IPO5: variants seen among roughly 807,000 people sequenced by gnomAD.
The protein encoded by IPO5 is importin 5.
IPO5 carries 18 observed loss-of-function variants against 143.3 expected under a neutral mutation model. The observed-to-expected ratio is 0.13, with a 90% CI of 0.09 to 0.19. The LOEUF (loss-of-function observed/expected upper bound fraction) is 0.19, where lower values mean the gene tolerates loss of function less well. Ranked by LOEUF, IPO5 falls within the 10% of genes least tolerant of loss-of-function variation. IPO5 has a pLI of 1.00. For missense variants in IPO5, 1,013 were observed against 1,336.9 expected (o/e 0.76, Z 3.78); for synonymous variants, 477 against 465.7 (o/e 1.02, Z -0.31).
At chr13:98,005,365 T>TTTA (rs1889143910) in intron 16 of IPO5, among the ~76,000 whole-genome samples, 7 of 142,084 alleles carry the variant, frequency 4.9e-5, no homozygotes, top group Non-Finnish European at 1.1e-4. Flanking sequence ...CCTGGCTAAT[T>TTTA]TTTATTTATT....
chr13:97,953,988 G>A, intron 1 of IPO5, 131 bp from the exon 2 acceptor site: 1 of 447,332 alleles, frequency 2.2e-6, no homozygotes, highest in South Asian at 1.6e-5. Flanking sequence ...CCTTACGTGA[G>A]CTGGGGACTA....
In IPO5 at chr13:98,018,558, C is replaced by T; in HGVS notation, c.2690C>T (p.Pro897Leu). ...IFDDVIEHCS[P>L]ASFKYAEYFL... is the part of the protein sequence containing the mutation. ...GATGATGTCATAGAACACTGTAGTCCAGCCTCATTTAAATACGCAGAATAT... is the reference window on the plus strand; with the variant it reads ...GATGATGTCATAGAACACTGTAGTCTAGCCTCATTTAAATACGCAGAATAT... The change falls in exon 26 of 29, where the codon CCA becomes CTA. Residue 897 changes from proline to leucine, a missense_variant. This residue lies in a region of IPO5 where 685 missense variants were observed against 994.9 expected (regional missense o/e 0.69). Transcript: ENST00000651721. The T allele has an allele frequency of 1.9e-6, 3 of 1,613,984 alleles. No homozygotes were observed. The highest frequency in any genetic ancestry group is 2.5e-6 in the Non-Finnish European group (3 of 1,179,928).
intron 16 of IPO5, among the ~76,000 whole-genome samples, chr13:98,005,085 CAG>C (rs1277043836): frequency 6.6e-6 from 1 of 151,618 alleles, no homozygotes; most frequent in Non-Finnish European, 1.5e-5. Context: ...TGAGTGGAGA[CAG>C]GGTTTCACCA....
chr13:97,993,830 T>A (rs1195689559), intron 11 of IPO5, among the ~76,000 whole-genome samples: 1 of 152,208 alleles, frequency 6.6e-6, no homozygotes, highest in African/African-American at 2.4e-5. Context: ...ATTTAGAGGG[T>A]AAATACGTCA....
At chr13:98,016,409 C>T (rs1890124819) in intron 24 of IPO5, among the ~76,000 whole-genome samples, 1 of 151,010 alleles carries the variant, frequency 6.6e-6, no homozygotes, top group South Asian at 2.1e-4. Flanking sequence ...ATAGTGAAAA[C>T]ACCTTTGTTT....
At position 98,003,647 on chromosome 13, in the gene IPO5, C is replaced by T. The variant is rs1228766097; in HGVS notation, c.1497+610C>T. On this transcript the variant is annotated intron_variant, in intron 16 of 28. Transcript: ENST00000651721. ...GGTGGATCACCTGAGGTCAGGAGTT[C>T]GAGACCAGCCTGGCCAACATGGTGA... 1.1e-4 allele frequency among the ~76,000 whole-genome samples: 17 copies of T among 151,996 alleles called. No homozygotes were observed. In the East Asian group the frequency reaches 3.1e-3, roughly 28 times the overall value.
intron 2 of IPO5, among the ~76,000 whole-genome samples, chr13:97,967,476 C>G (rs1176411744): frequency 2.0e-5 from 3 of 151,326 alleles, no homozygotes; most frequent in African/African-American, 7.3e-5. Context: ...TTAGTTTGCC[C>G]TTCTTTCTTT....
intron 2 of IPO5, among the ~76,000 whole-genome samples, chr13:97,964,446 T>TC (rs1953643076): frequency 7.3e-6 from 1 of 137,286 alleles, no homozygotes; most frequent in African/African-American, 2.9e-5. Context: ...TTTCTTTCTT[T>TC]TTTTTTTTTT....
chr13:98,003,847 CAA>C (rs954208235), intron 16 of IPO5, among the ~76,000 whole-genome samples: 3 of 138,938 alleles, frequency 2.2e-5, no homozygotes, highest in Non-Finnish European at 4.7e-5. Flanking sequence ...AATTCTGTTT[CAA>C]AAAAAAAAAG....
At chr13:97,993,290 G>A in intron 11 of IPO5, 65 bp downstream of exon 11, 2 of 1,364,454 alleles carry the variant, frequency 1.5e-6, no homozygotes, top group East Asian at 2.3e-5. Flanking sequence ...AATTTGCTGA[G>A]GGTTGTGTGA....
chr13:98,011,317 G>A (rs1889694255), intron 20 of IPO5, among the ~76,000 whole-genome samples: 1 of 152,080 alleles, frequency 6.6e-6, no homozygotes, highest in Admixed American at 6.6e-5. Context: ...TTGAAACAGA[G>A]TCTTACTCTG....
In IPO5 at chr13:98,015,523, T is replaced by C. The variant is rs199847921; in HGVS notation, c.2326-7T>C. On this transcript the variant is annotated splice_polypyrimidine_tract_variant and splice_region_variant and intron_variant, in intron 22 of 28. Transcript: ENST00000651721. Reference sequence around the variant, plus strand: ...TATGGATTGCTTTCTTTCCTCAACCTCATTAGTGCATTGAAGTAATGGGAG... The same window carrying C: ...TATGGATTGCTTTCTTTCCTCAACCCCATTAGTGCATTGAAGTAATGGGAG... The C allele has an allele frequency of 1.1e-4, 171 of 1,534,502 alleles. No individual in the cohort carries two copies. Among genetic ancestry groups the C allele is most frequent in the Middle Eastern group, 5.4e-4 (3 of 5,568 alleles).
At chr13:97,994,944 G>A (rs1888119801) in intron 11 of IPO5, among the ~76,000 whole-genome samples, 1 of 152,034 alleles carries the variant, frequency 6.6e-6, no homozygotes, top group Non-Finnish European at 1.5e-5. Context: ...TGGGCGACAT[G>A]ACGAAACCCT....
chr13:98,002,567 T>G lies in IPO5; in HGVS notation c.1209T>G (p.Phe403Leu). 1 of 1,614,068 alleles carries G rather than the reference T, an allele frequency of 6.2e-7. No individual in the cohort carries two copies. Among genetic ancestry groups the G allele is most frequent in the Non-Finnish European group, 8.5e-7 (1 of 1,179,930 alleles). The stretch of plus-strand genomic sequence containing the variant: ...GAATTCTAAATGAGATCGTAAATTT[T>G]GTTTTACTTTTTCTCCAGGATCCTG... ...MEGILNEIVN[F>L]VLLFLQDPHP... is the part of the protein sequence containing the mutation. Residue 403 changes from phenylalanine (F) to leucine (L), a missense_variant, in exon 14 of 29, where the codon TTT (phenylalanine) becomes TTG (leucine). Coordinates refer to ENST00000651721, the MANE Select transcript of IPO5 (RefSeq NM_002271.6).
intron 2 of IPO5, among the ~76,000 whole-genome samples, chr13:97,958,601 T>C (rs1054997750): frequency 2.0e-5 from 3 of 151,974 alleles, no homozygotes; most frequent in Non-Finnish European, 4.4e-5. Context: ...AACTGTATGA[T>C]TTAGGCCTCA....
At position 98,000,784 on chromosome 13, in the gene IPO5, G is replaced by A. The variant is rs191851967; in HGVS notation, c.1108+139G>A. 260 of 611,280 alleles carry A rather than the reference G, an allele frequency of 4.3e-4. 1 individual carries two copies. In the East Asian group the frequency reaches 7.0e-3, roughly 16 times the overall value. The allele number at this position is 611,280 out of a possible 1,614,324, so 37.9% of individuals were successfully genotyped here. On this transcript the variant is annotated intron_variant, in intron 13 of 28. Coordinates refer to ENST00000651721, the MANE Select transcript of IPO5 (RefSeq NM_002271.6). ...TTTAACCCAATTCATTTATTTTACCGATAAAATTGTCAATCCCAAAGAAAA... is the reference window on the plus strand; with the variant it reads ...TTTAACCCAATTCATTTATTTTACCAATAAAATTGTCAATCCCAAAGAAAA...
At chr13:98,002,319 C>A in intron 13 of IPO5, 148 bp from the exon 14 acceptor site, 1 of 652,766 alleles carries the variant, frequency 1.5e-6, no homozygotes, top group Non-Finnish European at 2.4e-6. Context: ...CCGGCCTATA[C>A]AAATGTTTTT....
chr13:97,997,573 A>ATT lies in IPO5; in HGVS notation c.956_957insTT (p.Glu319AspfsTer10). The ATT allele has an allele frequency of 6.2e-7, 1 of 1,610,956 alleles. No homozygotes were observed. The highest frequency in any genetic ancestry group is 1.1e-5 in the South Asian group (1 of 90,744). On this transcript the variant is annotated frameshift_variant, in exon 12 of 29. Coordinates refer to ENST00000651721, the MANE Select transcript of IPO5 (RefSeq NM_002271.6). LOFTEE classifies it high-confidence loss of function. ...ATGATGGTTGATTTGGAAGAAGATG[A>ATT]GGACTGGGCAAATGCAGATGAACTA...
chr13:97,954,725 G>C (rs1286050092), intron 2 of IPO5, among the ~76,000 whole-genome samples: 1 of 152,150 alleles, frequency 6.6e-6, no homozygotes, highest in African/African-American at 2.4e-5. Context: ...ATCTTATAAA[G>C]TATTAGATAC....
Sources: gnomAD v4.1 joint callset for allele counts (sites outside exome capture counted in the v4.1 genomes callset) on GRCh38, gnomAD v4.1.1 for gene constraint, gnomAD v4.1.1 regional missense constraint, MANE v1.5 for transcripts, NCBI Gene and HGNC (gene_info 2026-07-23, HGNC 2026-07-21) for gene names.